Variants in GALNT13 observed in about 807,000 individuals in gnomAD.
The protein encoded by GALNT13 is polypeptide N-acetylgalactosaminyltransferase 13.
A neutral mutation model predicts 64.2 loss-of-function variants in GALNT13; 28 were observed. The observed-to-expected ratio is 0.44, with a 90% CI of 0.32 to 0.60. The LOEUF is 0.60. Among genes scored for constraint, GALNT13 ranks in the 20% least tolerant of loss-of-function variants. The probability of loss-of-function intolerance (pLI) is 0.05; values close to 1 mark genes in which losing one functional copy is unlikely to be tolerated. For missense variants in GALNT13, 577 were observed against 669.8 expected (o/e 0.86, Z 1.53); for synonymous variants, 214 against 224.6 (o/e 0.95, Z 0.42).
upstream of GALNT13, among the ~76,000 whole-genome samples, chr2:153,867,404 G>T (rs1685786265): frequency 6.6e-6 from 1 of 152,000 alleles, no homozygotes. Context: ...GAGTTGAAAA[G>T]CTCAACTCTT....
the GALNT13 span, among the ~76,000 whole-genome samples, chr2:153,256,887 G>A: frequency 1.4e-4 from 21 of 152,248 alleles, no homozygotes; most frequent in Non-Finnish European, 2.5e-4. Flanking sequence ...AGTCTGCAGA[G>A]GTTACTGTTG....
chr2:154,053,622 A>G (rs570195718), intron 3 of GALNT13, among the ~76,000 whole-genome samples: 1 of 152,342 alleles, frequency 6.6e-6, no homozygotes, highest in East Asian at 1.9e-4. Context: ...AGCTCCTATG[A>G]TGAAATATAT....
chr2:154,168,817 G>C (rs1685186351), intron 4 of GALNT13, among the ~76,000 whole-genome samples: 1 of 152,026 alleles, frequency 6.6e-6, no homozygotes, highest in African/African-American at 2.4e-5. Flanking sequence ...ACTCCAGCCT[G>C]GGTAACAGTG....
the GALNT13 span, among the ~76,000 whole-genome samples, chr2:153,175,946 C>T: frequency 2.0e-5 from 3 of 152,212 alleles, no homozygotes; most frequent in South Asian, 6.2e-4. Context: ...CAGGAGGCTA[C>T]ACCAAAAGAG....
intron 3 of GALNT13, among the ~76,000 whole-genome samples, chr2:154,047,656 G>A (rs1254836810): frequency 6.6e-6 from 1 of 152,096 alleles, no homozygotes; most frequent in East Asian, 1.9e-4. Flanking sequence ...CTACATTTGG[G>A]CTATTGTTAT....
chr2:153,198,886 C>G, the GALNT13 span, among the ~76,000 whole-genome samples: 1 of 152,188 alleles, frequency 6.6e-6, no homozygotes, highest in African/African-American at 2.4e-5. Flanking sequence ...GTCTCTGTCC[C>G]TGGGGCACAG....
chr2:154,320,358 T>C (rs1206873951), intron 9 of GALNT13, among the ~76,000 whole-genome samples: 1 of 152,184 alleles, frequency 6.6e-6, no homozygotes, highest in African/African-American at 2.4e-5. Context: ...TTTTCTTCCA[T>C]TATGCTTTCC....
the GALNT13 span, among the ~76,000 whole-genome samples, chr2:153,647,606 A>C: frequency 6.6e-6 from 1 of 152,140 alleles, no homozygotes; most frequent in African/African-American, 2.4e-5. Context: ...TAGGTCTAAC[A>C]TTGAAGTCTT....
At chr2:153,466,720 T>A in the GALNT13 span, among the ~76,000 whole-genome samples, 1 of 152,074 alleles carries the variant, frequency 6.6e-6, no homozygotes, top group Non-Finnish European at 1.5e-5. Flanking sequence ...ATTTTTCTCA[T>A]TCTGTACTTG....
At chr2:153,608,371 A>C in the GALNT13 span, among the ~76,000 whole-genome samples, 1 of 152,080 alleles carries the variant, frequency 6.6e-6, no homozygotes, top group Non-Finnish European at 1.5e-5. Flanking sequence ...GAGTGTGTTG[A>C]GAAAGCAATA....
At chr2:154,209,574 A>G (rs569453330) in intron 4 of GALNT13, among the ~76,000 whole-genome samples, 1 of 152,302 alleles carries the variant, frequency 6.6e-6, no homozygotes, top group East Asian at 1.9e-4. Context: ...TATCATTTAC[A>G]TAATGCTAAT....
chr2:153,137,377 C>T, the GALNT13 span, among the ~76,000 whole-genome samples: 3 of 152,028 alleles, frequency 2.0e-5, no homozygotes, highest in African/African-American at 2.4e-5. Flanking sequence ...GCAATGTGGT[C>T]GGACCTTTGA....
chr2:153,193,652 TAA>T, the GALNT13 span, among the ~76,000 whole-genome samples: 1 of 148,776 alleles, frequency 6.7e-6, no homozygotes, highest in African/African-American at 2.5e-5. Flanking sequence ...TTCATTTTAA[TAA>T]AAAAAAAAAC....
At chr2:153,288,505 G>A in the GALNT13 span, among the ~76,000 whole-genome samples, 5 of 152,128 alleles carry the variant, frequency 3.3e-5, no homozygotes, top group South Asian at 1.0e-3. Context: ...CGTCCTGTCT[G>A]GGACATGAAT....
chr2:153,524,691 AT>A, the GALNT13 span, among the ~76,000 whole-genome samples: 3 of 152,188 alleles, frequency 2.0e-5, no homozygotes, highest in Admixed American at 2.0e-4. Flanking sequence ...TGGAAGGAGC[AT>A]TTAAACTAGC....
At chr2:154,249,991 A>G (rs761453898) in intron 7 of GALNT13, among the ~76,000 whole-genome samples, 3 of 152,062 alleles carry the variant, frequency 2.0e-5, no homozygotes, top group Non-Finnish European at 2.9e-5. Context: ...TATCTCCTCT[A>G]TCATTCTAGT....
the GALNT13 span, among the ~76,000 whole-genome samples, chr2:153,095,042 T>C: frequency 0.096 from 14,597 of 152,008 alleles, 777 homozygotes; most frequent in Non-Finnish European, 0.12. Flanking sequence ...ACAAATGGGA[T>C]CTAATTAAAC....
chr2:153,412,161 G>A, the GALNT13 span, among the ~76,000 whole-genome samples: 14 of 152,034 alleles, frequency 9.2e-5, no homozygotes, highest in Middle Eastern at 3.2e-3. Context: ...CTTGCAGACA[G>A]CCTATTGTGA....
chr2:153,347,456 A>G, the GALNT13 span, among the ~76,000 whole-genome samples: 1 of 152,318 alleles, frequency 6.6e-6, no homozygotes, highest in South Asian at 2.1e-4. Flanking sequence ...CAAGACAGCA[A>G]CTGTAAGACA....
Sources: gnomAD v4.1 joint callset for allele counts (sites outside exome capture counted in the v4.1 genomes callset) on GRCh38, gnomAD v4.1.1 for gene constraint, MANE v1.5 for transcripts, NCBI Gene and HGNC (gene_info 2026-07-23, HGNC 2026-07-21) for gene names.